Variants in OLFML2A observed in about 807,000 individuals in gnomAD.
OLFML2A encodes olfactomedin-like protein 2A.
Under a neutral mutation model 60.9 loss-of-function variants are expected in OLFML2A, and 47 were observed. The observed-to-expected ratio is 0.77, with a 90% confidence interval of 0.61 to 0.98. The LOEUF is 0.98. Among genes scored for constraint, OLFML2A ranks in the 50% least tolerant of loss-of-function variants. The pLI, the probability that OLFML2A is intolerant of heterozygous loss-of-function variation, is 0.00. For missense variants in OLFML2A, 922 were observed against 879.8 expected (o/e 1.05, Z -0.61); for synonymous variants, 372 against 375.0 (o/e 0.99, Z 0.09).
At position 124,809,887 on chromosome 9, in the gene OLFML2A, C is replaced by T; in HGVS notation, c.1434C>T (p.Tyr478=). ...GHVVYQGAFY[Y]NRAFTKNIIK... is the part of the protein sequence containing the mutation. ...TGGTGTACCAGGGCGCCTTCTACTA[C>T]AACCGCGCCTTCACCAAGAACATCA... Residue 478 remains tyrosine, a synonymous_variant, in exon 8 of 8, where the codon TAC becomes TAT. Transcript: ENST00000373580. 1 of 1,614,200 alleles carries T rather than the reference C, an allele frequency of 6.2e-7. No homozygotes were observed. Among genetic ancestry groups the T allele is most frequent in the Non-Finnish European group, 8.5e-7 (1 of 1,180,022 alleles).
At chr9:124,782,767 C>T (rs868594642) in intron 1 of OLFML2A, among the ~76,000 whole-genome samples, 2 of 152,196 alleles carry the variant, frequency 1.3e-5, no homozygotes, top group African/African-American at 2.4e-5. Context: ...AGCACCTCAT[C>T]TGAGGAGGGA....
chr9:124,793,218 C>T (rs1278468144), intron 2 of OLFML2A, among the ~76,000 whole-genome samples: 1 of 152,236 alleles, frequency 6.6e-6, no homozygotes, highest in Non-Finnish European at 1.5e-5. Context: ...TCCCAAGAAG[C>T]CAGGGAAGGC....
chr9:124,779,679 C>T lies in OLFML2A; in HGVS notation c.90+2319C>T, dbSNP rs868172103. On this transcript the variant is annotated intron_variant, in intron 1 of 7. Transcript: ENST00000373580. The surrounding 1 kb of genome is among the most constrained non-coding windows in gnomAD (Gnocchi z 4.1). ...CCCCAGACACCTCCCACCCCCAAAC[C>T]ACTTCAGCCAGCTGGGAAAAATAAA... Among the ~76,000 whole-genome samples the T allele has an allele frequency of 6.6e-6, 1 of 152,104 alleles. No homozygotes were observed. The highest frequency in any genetic ancestry group is 2.4e-5 in the African/African-American group (1 of 41,412).
Position 124,787,053 on chromosome 9 carries a change from A to G in OLFML2A, c.169A>G (p.Ser57Gly), listed in dbSNP as rs1238124131. Residue 57 changes from serine (S) to glycine (G), a missense_variant, in exon 2 of 8, where the codon AGC becomes GGC. Ser to Gly is a moderately conservative substitution (Grantham distance 56). Coordinates refer to ENST00000373580, the MANE Select transcript of OLFML2A (RefSeq NM_182487.4). Reference protein sequence around the residue: ...CRCKCIMRPLSKDACSRVRSG... With the variant: ...CRCKCIMRPLGKDACSRVRSG... ...TTGCAAGTGCATCATGCGGCCCCTG[A>G]GCAAGGACGCGTGTAGCCGAGTGCG... 1.9e-6 allele frequency: 3 copies of G among 1,613,886 alleles called. No individual in the cohort carries two copies. Among genetic ancestry groups the G allele is most frequent in the Admixed American group, 3.3e-5 (2 of 59,994 alleles).
chr9:124,784,968 T>TTTTTTTC (rs1277104865), intron 1 of OLFML2A, among the ~76,000 whole-genome samples: 5 of 135,520 alleles, frequency 3.7e-5, no homozygotes, highest in Non-Finnish European at 7.8e-5. Flanking sequence ...TTTTTTTTTT[T>TTTTTTTC]TTTGAGACGG....
At chr9:124,802,238 C>T (rs567521848) in intron 5 of OLFML2A, among the ~76,000 whole-genome samples, 1 of 152,326 alleles carries the variant, frequency 6.6e-6, no homozygotes, top group East Asian at 1.9e-4. Flanking sequence ...AAGAGACACA[C>T]GTTTCAAGAT....
chr9:124,789,445 T>C lies in OLFML2A; in HGVS notation c.354+2207T>C, dbSNP rs370086384. ...AATTGCCAAGTTTCCCCGGCTCCAA[T>C]TGCCATGGGCTAATGCAGTGAGGGT... is the stretch of plus-strand genomic sequence containing the variant. On this transcript the variant is annotated intron_variant, in intron 2 of 7. Transcript: ENST00000373580. 9.8e-5 allele frequency among the ~76,000 whole-genome samples: 15 copies of C among 152,310 alleles called. No individual in the cohort carries two copies. The East Asian group carries it at 1.4e-3, about 14-fold the overall frequency.
In OLFML2A at chr9:124,786,981, G is replaced by C. The variant is rs765173719; in HGVS notation, c.97G>C (p.Gly33Arg). ...CTCTTGCCCCCCGCAACAGGTGTTT[G>C]GGGACCTGGACCAGGTGAGGATGAC... ...RPTRADSKVF[G>R]DLDQVRMTSE... The change falls in exon 2 of 8, where the codon GGG (glycine) becomes CGG (arginine). Residue 33 changes from glycine (G) to arginine (R), a missense_variant. Physicochemically the swap from Gly to Arg is moderately radical, Grantham distance 125. Transcript: ENST00000373580. 6.2e-7 allele frequency: 1 copy of C among 1,609,248 alleles called. No individual in the cohort carries two copies. Among genetic ancestry groups the C allele is most frequent in the Non-Finnish European group, 8.5e-7 (1 of 1,176,300 alleles).
In OLFML2A at chr9:124,801,077, G is replaced by A. The variant is rs78835528; in HGVS notation, c.670-337G>A. 4.7e-4 allele frequency: 728 copies of A among 1,549,538 alleles called. 4 individuals carry two copies. The African/African-American group carries it at 8.8e-3, about 19-fold the overall frequency. On this transcript the variant is annotated intron_variant, in intron 4 of 7. Transcript: ENST00000373580. ...GTAAGAGAGACAAGGCTGGGAAGGTGAGCAGGTGGAGGAGGCTGCCTCCCA... is the reference window on the plus strand; with the variant it reads ...GTAAGAGAGACAAGGCTGGGAAGGTAAGCAGGTGGAGGAGGCTGCCTCCCA...
chr9:124,794,819 A>G (rs1050259568), intron 2 of OLFML2A, among the ~76,000 whole-genome samples: 2 of 151,914 alleles, frequency 1.3e-5, no homozygotes, highest in Non-Finnish European at 2.9e-5. Flanking sequence ...ATGGTGTTTC[A>G]CCATGTTGGC....
rs551760803 is a variant in OLFML2A, at chr9:124,787,822, G to C, written c.354+584G>C. The stretch of plus-strand genomic sequence containing the variant: ...GAACTGCCTGCCTCGGCCTCCCAAA[G>C]TGCTGGGATTAGAAGCATGAGCCAC... On this transcript the variant is annotated intron_variant, in intron 2 of 7. Transcript: ENST00000373580. 2.2e-4 allele frequency among the ~76,000 whole-genome samples: 34 copies of C among 151,948 alleles called. 1 individual carries two copies. Among genetic ancestry groups the C allele is most frequent in the Admixed American group, 2.0e-3 (31 of 15,260 alleles).
Position 124,804,241 on chromosome 9 carries a change from C to G in OLFML2A, c.1067C>G (p.Thr356Ser). The G allele has an allele frequency of 3.7e-6, 6 of 1,613,130 alleles. No individual in the cohort carries two copies. The highest frequency in any genetic ancestry group is 5.1e-6 in the Non-Finnish European group (6 of 1,179,732). The change falls in exon 6 of 8, where the codon ACT becomes AGT. Residue 356 changes from threonine (T) to serine (S), a missense_variant. By Grantham distance (58) the Thr-to-Ser change is moderately conservative. Transcript: ENST00000373580. ...ERVDLASGTP[T>S]SIPATTTTAT... is the part of the protein sequence containing the mutation. ...GTGGACCTGGCTTCTGGCACCCCCA[C>G]TTCAATCCCTGCCACCACCACCACC... is the stretch of plus-strand genomic sequence containing the variant.
At chr9:124,797,796 GC>G (rs1298921393) in intron 3 of OLFML2A, among the ~76,000 whole-genome samples, 1 of 152,234 alleles carries the variant, frequency 6.6e-6, no homozygotes, top group Non-Finnish European at 1.5e-5. Context: ...TTGGGTGACA[GC>G]CCAGCAAAGG....
Position 124,801,516 on chromosome 9 carries a change from C to T in OLFML2A, c.772C>T (p.Gln258Ter). 6.2e-7 allele frequency: 1 copy of T among 1,614,150 alleles called. No homozygotes were observed. Among genetic ancestry groups the T allele is most frequent in the East Asian group, 2.2e-5 (1 of 44,866 alleles). The change falls in exon 5 of 8, where the codon CAG (glutamine) becomes TAG (stop). Residue 258 changes from glutamine (Q) to a stop codon, truncating the protein, a stop_gained. Coordinates refer to ENST00000373580, the MANE Select transcript of OLFML2A (RefSeq NM_182487.4). LOFTEE classifies it high-confidence loss of function. ...LPKPPKEKLL[Q>*]VEKLRKESGK... ...AAAACCTCCCAAGGAGAAGCTGCTT[C>T]AGGTGGAGAAGCTGAGAAAGGAGAG...
At position 124,804,332 on chromosome 9, in the gene OLFML2A, C is replaced by T; in HGVS notation, c.1158C>T (p.Val386=). The change falls in exon 6 of 8, where the codon GTC becomes GTT. Residue 386 remains valine (V), a synonymous_variant. Transcript: ENST00000373580. ...CCGAGCCACCTTCAGGTCCAGAAGT[C>T]TCCAGCCAAGGTGAGTGAGCCTCAC... ...LPTEPPSGPE[V]SSQGREASCE... is the part of the protein sequence containing the mutation. 1 of 1,521,282 alleles carries T rather than the reference C, an allele frequency of 6.6e-7. No individual in the cohort carries two copies. The highest frequency in any genetic ancestry group is 1.4e-5 in the African/African-American group (1 of 71,606). 94.2% of individuals were successfully genotyped at this position (1,521,282 alleles called of 1,614,324 possible).
At chr9:124,808,026 C>T in intron 7 of OLFML2A, 60 bp downstream of exon 7, 1 of 1,330,962 alleles carries the variant, frequency 7.5e-7, no homozygotes, top group Non-Finnish European at 1.1e-6. Flanking sequence ...GAGGGGTCCT[C>T]ATGGGGACTT....
At position 124,786,793 on chromosome 9, in the gene OLFML2A, C is replaced by G. The variant is rs1051827519; in HGVS notation, c.91-182C>G. Among the ~76,000 whole-genome samples the G allele has an allele frequency of 5.7e-4, 76 of 132,716 alleles. 1 individual carries two copies. The East Asian group carries it at 0.011, about 19-fold the overall frequency. 87.1% of individuals were successfully genotyped at this position (132,716 alleles called of 152,430 possible). A position where few individuals can be genotyped will look rare whatever the true frequency, so the allele number is the denominator to read the frequency against. The stretch of plus-strand genomic sequence containing the variant: ...ACACACACACACACACACACACACA[C>G]ACACAGAGTTGTTATTATTATTAAA... On this transcript the variant is annotated intron_variant, in intron 1 of 7. Coordinates refer to ENST00000373580, the MANE Select transcript of OLFML2A (RefSeq NM_182487.4).
In OLFML2A at chr9:124,805,488, G is replaced by A. The variant is rs192741693; in HGVS notation, c.1168+1146G>A. On this transcript the variant is annotated intron_variant, in intron 6 of 7. Coordinates refer to ENST00000373580, the MANE Select transcript of OLFML2A (RefSeq NM_182487.4). ...TTAATGATGAGAGAAATTGCTCAAC[G>A]GAGGCTAAAAACAGGATACATAAAA... is the stretch of plus-strand genomic sequence containing the variant. Among the ~76,000 whole-genome samples the A allele has an allele frequency of 1.1e-3, 164 of 152,144 alleles. 1 individual carries two copies. Among genetic ancestry groups the A allele is most frequent in the Non-Finnish European group, 1.7e-3 (115 of 68,000 alleles).
At chr9:124,807,236 T>C (rs1226816562) in intron 6 of OLFML2A, among the ~76,000 whole-genome samples, 1 of 151,970 alleles carries the variant, frequency 6.6e-6, no homozygotes, top group Non-Finnish European at 1.5e-5. Flanking sequence ...GTTTGACTAT[T>C]TTAGATTCCA....
Sources: allele counts gnomAD v4.1 joint callset (sites outside exome capture counted in the v4.1 genomes callset), GRCh38; gene constraint gnomAD v4.1.1; non-coding constraint Gnocchi (gnomAD v3.1); transcripts MANE v1.5; gene names NCBI Gene and HGNC (gene_info 2026-07-23, HGNC 2026-07-21).